The following CREB3L2 variants were observed in gnomAD, a reference collection of about 807,000 sequenced individuals.
The protein encoded by CREB3L2 is cAMP responsive element binding protein 3 like 2, also known as cyclic AMP-responsive element-binding protein 3-like protein 2.
A neutral mutation model predicts 57.2 loss-of-function variants in CREB3L2; 23 were observed. The ratio of observed to expected loss-of-function variants is 0.40; its 90% confidence interval spans 0.29 to 0.57. The LOEUF is 0.57. Ranked by LOEUF, CREB3L2 falls within the 20% of genes least tolerant of loss-of-function variation. CREB3L2 has a pLI of 0.42. For missense variants in CREB3L2, 628 were observed against 634.7 expected (o/e 0.99, Z 0.11); for synonymous variants, 268 against 265.1 (o/e 1.01, Z -0.11).
rs957399211 is a variant in CREB3L2 at position 137,891,818 on chromosome 7, A to G, written c.1044-6316T>C. On this transcript the variant is annotated intron_variant, in intron 8 of 11. Coordinates refer to ENST00000330387, the MANE Select transcript of CREB3L2 (RefSeq NM_194071.4). ...GGTCTTGAACTCCTGACCTCAGGTG[A>G]TCCGCCCACCTCGGCCTCCCAAAGT... is the stretch of plus-strand genomic sequence containing the variant. Among the ~76,000 whole-genome samples, 9 of 152,134 alleles carry G rather than the reference A, an allele frequency of 5.9e-5. No individual in the cohort carries two copies. In the South Asian group the frequency reaches 1.9e-3, roughly 32 times the overall value.
chr7:137,936,391 G>C (rs979350074), intron 1 of CREB3L2, among the ~76,000 whole-genome samples: 5 of 152,168 alleles, frequency 3.3e-5, no homozygotes, highest in Admixed American at 2.6e-4. Context: ...TTGCACTTCA[G>C]TGGTGGTCAG....
At chr7:137,898,336 T>G (rs1048328240) in intron 8 of CREB3L2, among the ~76,000 whole-genome samples, 12 of 152,200 alleles carry the variant, frequency 7.9e-5, no homozygotes, top group African/African-American at 2.9e-4. Flanking sequence ...AAAACCATTA[T>G]GAAAAACAGT....
chr7:137,885,974 C>T (rs1799410946), intron 8 of CREB3L2, among the ~76,000 whole-genome samples: 1 of 152,106 alleles, frequency 6.6e-6, no homozygotes. Flanking sequence ...GATTCGTGCC[C>T]TTATAAGGAG....
chr7:137,975,701 TCA>T (rs1801595048), intron 1 of CREB3L2, among the ~76,000 whole-genome samples: 1 of 152,126 alleles, frequency 6.6e-6, no homozygotes, highest in African/African-American at 2.4e-5. Flanking sequence ...CAGGAAAGAT[TCA>T]GTTAGAGCCC....
At chr7:137,899,321 C>G (rs548269984) in intron 8 of CREB3L2, among the ~76,000 whole-genome samples, 1 of 152,180 alleles carries the variant, frequency 6.6e-6, no homozygotes, top group Non-Finnish European at 1.5e-5. Context: ...AGGCCTGACA[C>G]GGAGCCTGTA....
At chr7:137,888,757 C>A (rs7801988) in intron 8 of CREB3L2, among the ~76,000 whole-genome samples, 2,719 of 152,164 alleles carry the variant, frequency 0.018, 86 homozygotes, top group African/African-American at 0.055. Context: ...CTGGCCTGCT[C>A]AAGAGCTACT....
intron 1 of CREB3L2, among the ~76,000 whole-genome samples, chr7:137,932,343 G>C (rs574916830): frequency 2.0e-4 from 30 of 152,190 alleles, no homozygotes; most frequent in African/African-American, 6.7e-4. Context: ...TTTGTTTTCA[G>C]AATGTGGTTT....
intron 1 of CREB3L2, among the ~76,000 whole-genome samples, chr7:137,973,198 C>T (rs1382039312): frequency 6.7e-6 from 1 of 150,124 alleles, no homozygotes; most frequent in East Asian, 1.9e-4. Context: ...AAAGAAATAG[C>T]ATATCATGAA....
At chr7:137,893,795 G>A (rs1799567597) in intron 8 of CREB3L2, among the ~76,000 whole-genome samples, 2 of 152,246 alleles carry the variant, frequency 1.3e-5, no homozygotes, top group Admixed American at 1.3e-4. Flanking sequence ...AGAGATAAAT[G>A]TCAGGCAAGC....
chr7:137,924,033 T>G (rs554355862), intron 2 of CREB3L2, among the ~76,000 whole-genome samples: 76 of 152,282 alleles, frequency 5.0e-4, no homozygotes, highest in African/African-American at 1.7e-3. Flanking sequence ...CACAGACTAC[T>G]GTGTTCATTC....
At chr7:137,951,971 C>T (rs1488432066) in intron 1 of CREB3L2, among the ~76,000 whole-genome samples, 1 of 152,166 alleles carries the variant, frequency 6.6e-6, no homozygotes, top group Non-Finnish European at 1.5e-5. Context: ...ACCTGGGTGA[C>T]AGAGTGAGAC....
At chr7:137,966,088 T>C (rs574530648) in intron 1 of CREB3L2, among the ~76,000 whole-genome samples, 1 of 152,226 alleles carries the variant, frequency 6.6e-6, no homozygotes, top group South Asian at 2.1e-4. Flanking sequence ...ACTGATGGCA[T>C]CAAGGACTTA....
intron 1 of CREB3L2, among the ~76,000 whole-genome samples, chr7:137,951,528 A>G (rs1801098145): frequency 6.6e-6 from 1 of 152,244 alleles, no homozygotes; most frequent in Non-Finnish European, 1.5e-5. Context: ...CAGTGACTTA[A>G]GAGACCATAA....
intron 1 of CREB3L2, among the ~76,000 whole-genome samples, chr7:137,976,407 A>G (rs1429738449): frequency 6.6e-6 from 1 of 152,206 alleles, no homozygotes; most frequent in Non-Finnish European, 1.5e-5. Context: ...TCGTCCAGTG[A>G]TCCTCAAACC....
rs1802082651 is a variant in CREB3L2 at position 138,001,786 on chromosome 7, C to G, written c.-81G>C. On this transcript the variant is annotated 5_prime_UTR_variant, in exon 1 of 12. Coordinates refer to ENST00000330387, the MANE Select transcript of CREB3L2 (RefSeq NM_194071.4). The surrounding 1 kb of genome is among the most constrained non-coding windows in gnomAD (Gnocchi z 4.2). ...GCTGCCTCGGACCGGCAAGGTTCCT[C>G]TCTCTCCGCGTGTGCTTGCGTGTGT... 9.6e-7 allele frequency: 1 copy of G among 1,045,518 alleles called. No individual in the cohort carries two copies. Among genetic ancestry groups the G allele is most frequent in the Non-Finnish European group, 1.3e-6 (1 of 746,898 alleles). The allele number at this position is 1,045,518 out of a possible 1,614,324, so 64.8% of individuals were successfully genotyped here.
chr7:137,931,279 T>C (rs13240473), intron 1 of CREB3L2, among the ~76,000 whole-genome samples: 13,847 of 151,780 alleles, frequency 0.091, 931 homozygotes, highest in Admixed American at 0.22. Flanking sequence ...TCCCAGCACT[T>C]TGGGAGGCTG....
At chr7:137,953,775 T>A (rs1402402017) in intron 1 of CREB3L2, among the ~76,000 whole-genome samples, 1 of 152,200 alleles carries the variant, frequency 6.6e-6, no homozygotes. Flanking sequence ...TGATGCAAAC[T>A]AGTTTGTAAA....
intron 1 of CREB3L2, among the ~76,000 whole-genome samples, chr7:137,965,805 C>T (rs983562588): frequency 1.3e-5 from 2 of 152,166 alleles, no homozygotes; most frequent in Admixed American, 1.3e-4. Flanking sequence ...AAACAAAGTG[C>T]TATTATTTAT....
chr7:137,922,775 GAA>G (rs1440702258), intron 2 of CREB3L2: 1 of 276,882 alleles, frequency 3.6e-6, no homozygotes, highest in African/African-American at 2.2e-5. Flanking sequence ...TATCTAAAGT[GAA>G]AAGAAAATTT....
Sources: allele counts gnomAD v4.1 joint callset (sites outside exome capture counted in the v4.1 genomes callset), GRCh38; gene constraint gnomAD v4.1.1; non-coding constraint Gnocchi (gnomAD v3.1); transcripts MANE v1.5; gene names NCBI Gene and HGNC (gene_info 2026-07-23, HGNC 2026-07-21).